Variants in XDH observed in about 807,000 individuals in gnomAD.
The protein encoded by XDH is xanthine dehydrogenase/oxidase.
Under a neutral mutation model 156.1 loss-of-function variants are expected in XDH, and 138 were observed. The ratio of observed to expected loss-of-function variants is 0.88; its 90% CI spans 0.77 to 1.02. The LOEUF (loss-of-function observed/expected upper bound fraction) is 1.02. Among genes scored for constraint, XDH ranks in the 50% least tolerant of loss-of-function variants. XDH has a pLI of 0.00. For missense variants in XDH, 1,849 were observed against 1,684.9 expected, an observed-to-expected ratio of 1.10 and a Z score of -1.71; for synonymous variants, 669 against 625.7, an observed-to-expected ratio of 1.07 and a Z score of -1.03.
chr2:31,386,606 T>A, intron 8 of XDH, 51 bp from the exon 9 acceptor site: 1 of 1,612,638 alleles, frequency 6.2e-7, no homozygotes, highest in South Asian at 1.1e-5. Context: ...CTACTGTCAT[T>A]CCTCTTATAA....
At chr2:31,342,932 T>C (rs997562565) in intron 31 of XDH, among the ~76,000 whole-genome samples, 1 of 152,224 alleles carries the variant, frequency 6.6e-6, no homozygotes, top group African/African-American at 2.4e-5. Flanking sequence ...GCCTGAGTCA[T>C]ATAAATATAT....
rs772120452 is a variant in XDH, at chr2:31,403,031, C to T, written c.197+17G>A. The T allele has an allele frequency of 6.2e-7, 1 of 1,614,016 alleles. No individual in the cohort carries two copies. Among genetic ancestry groups the T allele is most frequent in the Admixed American group, 1.7e-5 (1 of 60,030 alleles). On this transcript the variant is annotated intron_variant, in intron 3 of 35. Transcript: ENST00000379416. ...CGCAGCCCCCATGTGGGTGGTCAGC[C>T]AGCAGGCAAAGGATACACGATCTTG...
intron 5 of XDH, among the ~76,000 whole-genome samples, chr2:31,397,986 G>A (rs554325765): frequency 6.6e-6 from 1 of 152,342 alleles, no homozygotes; most frequent in African/African-American, 2.4e-5. Flanking sequence ...TGCTCCCACA[G>A]TGGCTGATCA....
At chr2:31,378,596 A>T (rs975082332) in intron 13 of XDH, among the ~76,000 whole-genome samples, 1 of 152,150 alleles carries the variant, frequency 6.6e-6, no homozygotes, top group Non-Finnish European at 1.5e-5. Flanking sequence ...CACTGAGCCC[A>T]GAGTTTGACC....
In XDH at chr2:31,377,151, C is replaced by T. The variant is rs45471294; in HGVS notation, c.1329G>A (p.Lys443=). 33,426 of 1,614,098 alleles carry T rather than the reference C, an allele frequency of 0.021. 423 individuals are homozygous for T. Among genetic ancestry groups the T allele is most frequent in the South Asian group, 0.032 (2,887 of 91,082 alleles). ...KVTSGMRVLF[K]PGTTEVQELA... ...GCTCCTGTACCTCTGTGGTTCCTGG[C>T]TTGAATAAAACTCTCATGCCACTGG... Residue 443 remains lysine (K), a synonymous_variant, in exon 14 of 36, where the codon AAG becomes AAA. Coordinates refer to ENST00000379416, the MANE Select transcript of XDH (RefSeq NM_000379.4).
At chr2:31,383,284 G>A in intron 10 of XDH, 132 bp from the exon 11 acceptor site, 1 of 1,409,298 alleles carries the variant, frequency 7.1e-7, no homozygotes, top group Non-Finnish European at 9.8e-7. Flanking sequence ...CATGGATGAG[G>A]AAATGAGGGC....
At chr2:31,339,414 G>C in intron 34 of XDH, 75 bp downstream of exon 34, 1 of 1,600,696 alleles carries the variant, frequency 6.2e-7, no homozygotes, top group Non-Finnish European at 8.5e-7. Flanking sequence ...GTGGGTCACT[G>C]AGGCCTCTCA....
At chr2:31,391,773 T>C (rs990956728) in intron 6 of XDH, among the ~76,000 whole-genome samples, 2 of 152,226 alleles carry the variant, frequency 1.3e-5, no homozygotes, top group Non-Finnish European at 2.9e-5. Flanking sequence ...ACGTAAATGA[T>C]AATGTGTTTT....
intron 14 of XDH, among the ~76,000 whole-genome samples, chr2:31,376,793 T>TAAC: frequency 6.7e-6 from 1 of 149,980 alleles, no homozygotes; most frequent in Non-Finnish European, 1.5e-5. Context: ...GTAACAATAG[T>TAAC]AGTAGCAGCA....
In XDH at chr2:31,343,308, A is replaced by ATATGCATGTT. The variant is rs1553411654; in HGVS notation, c.3405-1012_3405-1011insAACATGCATA. Among the ~76,000 whole-genome samples the ATATGCATGTT allele has an allele frequency of 2.7e-3, 269 of 98,464 alleles. 3 individuals are homozygous for ATATGCATGTT. Among genetic ancestry groups the ATATGCATGTT allele is most frequent in the Non-Finnish European group, 4.5e-3 (224 of 49,698 alleles). The allele number at this position is 98,464 out of a possible 152,430, so 64.6% of individuals were successfully genotyped here. On this transcript the variant is annotated intron_variant, in intron 31 of 35. Coordinates refer to ENST00000379416, the MANE Select transcript of XDH (RefSeq NM_000379.4). Reference sequence around the variant, plus strand: ...ACCATATATATATATATATATATATATATATATATATATATATATGCATGT... The same window carrying ATATGCATGTT: ...ACCATATATATATATATATATATATATATGCATGTTTATATATATATATATATATGCATGT...
At position 31,374,994 on chromosome 2, in the gene XDH, CCTTTCTTT is replaced by C. The variant is rs71405566; in HGVS notation, c.1602+378_1602+385del. 4.5e-3 allele frequency among the ~76,000 whole-genome samples: 610 copies of C among 134,300 alleles called. 9 individuals carry two copies. The highest frequency in any genetic ancestry group is 0.014 in the African/African-American group (452 of 31,788). 88.1% of individuals were successfully genotyped at this position (134,300 alleles called of 152,430 possible). A position where few individuals can be genotyped will look rare whatever the true frequency, so the allele number is the denominator to read the frequency against. ...CACTCTGCATTCCCTTTCTTTTTTT[CCTTTCTTT>C]CTTTCTTTCTTTCTTTCTTTCTTTT... On this transcript the variant is annotated intron_variant, in intron 15 of 35. Transcript: ENST00000379416.
In XDH at chr2:31,407,432, C is replaced by T. The variant is rs530138363; in HGVS notation, c.43-1468G>A. On this transcript the variant is annotated intron_variant, in intron 1 of 35. Transcript: ENST00000379416. ...TGGCTTGGAGGTCTTTAAATCATTT[C>T]CCAAAATACAGGATAGAGCATTCAA... 8.1e-4 allele frequency among the ~76,000 whole-genome samples: 123 copies of T among 152,126 alleles called. 1 individual carries two copies. Among genetic ancestry groups the T allele is most frequent in the Non-Finnish European group, 1.6e-3 (108 of 68,026 alleles).
intron 15 of XDH, among the ~76,000 whole-genome samples, chr2:31,375,010 T>C (rs1308053988): frequency 9.0e-6 from 1 of 111,632 alleles, no homozygotes; most frequent in East Asian, 2.3e-4. Context: ...TTTCTTTCTT[T>C]CTTTCTTTCT....
intron 9 of XDH, 128 bp from the exon 10 acceptor site, chr2:31,383,975 A>G: frequency 1.1e-6 from 1 of 869,686 alleles, no homozygotes; most frequent in Non-Finnish European, 1.9e-6. Flanking sequence ...CTCTCTGGTG[A>G]CTGTAGGTGT....
intron 10 of XDH, among the ~76,000 whole-genome samples, 172 bp downstream of exon 10, chr2:31,383,583 T>C (rs1686500728): frequency 6.6e-6 from 1 of 151,882 alleles, no homozygotes; most frequent in South Asian, 2.1e-4. Context: ...ACCATGGATG[T>C]TTCAGCAATG....
intron 2 of XDH, among the ~76,000 whole-genome samples, chr2:31,405,526 TGGAAACATTCCCCA>T (rs1687169674): frequency 6.6e-6 from 1 of 152,142 alleles, no homozygotes; most frequent in Non-Finnish European, 1.5e-5. Flanking sequence ...TAGGCAGAGC[TGGAAACATTCCCCA>T]GGAACTCCAT....
At chr2:31,343,531 G>GTATAAGGCATATATATCTGCCTTA (rs1685196631) in intron 31 of XDH, among the ~76,000 whole-genome samples, 1 of 119,794 alleles carries the variant, frequency 8.3e-6, no homozygotes, top group African/African-American at 3.3e-5. Flanking sequence ...ATACATATAT[G>GTATAAGGCATATATATCTGCCTTA]TATAAGGCAT....
At chr2:31,383,934 G>A (rs986185661) in intron 9 of XDH, 87 bp from the exon 10 acceptor site, 26 of 1,152,232 alleles carry the variant, frequency 2.3e-5, no homozygotes, top group Non-Finnish European at 3.1e-5. Context: ...ATTACACACA[G>A]GATATATGAC....
In XDH at chr2:31,370,399, T is replaced by C. The variant is rs17323225; in HGVS notation, c.1936A>G (p.Ile646Val). 0.03 allele frequency: 48,379 copies of C among 1,614,194 alleles called. 856 individuals carry two copies. The highest frequency in any genetic ancestry group is 0.044 in the Middle Eastern group (266 of 6,062). The change falls in exon 18 of 36, where the codon ATA (isoleucine) becomes GTA (valine). Residue 646 changes from isoleucine to valine, a missense_variant. Coordinates refer to ENST00000379416, the MANE Select transcript of XDH (RefSeq NM_000379.4). ...GTCTCATCATTACAAATTCCAGTTA[T>C]GTTACTCCCAGGAACATCATCAGCG... ...ISADDVPGSNITGICNDETVF... is the reference protein window; with the variant it reads ...ISADDVPGSNVTGICNDETVF...
Sources: allele counts gnomAD v4.1 joint callset (sites outside exome capture counted in the v4.1 genomes callset), GRCh38; gene constraint gnomAD v4.1.1; transcripts MANE v1.5; gene names NCBI Gene and HGNC (gene_info 2026-07-23, HGNC 2026-07-21).